SNIP1: variants seen among roughly 807,000 people sequenced by gnomAD.
The protein encoded by SNIP1 is smad nuclear-interacting protein 1.
SNIP1 carries 23 observed loss-of-function variants against 37.4 expected under a neutral mutation model. The observed-to-expected ratio is 0.61, with a 90% CI of 0.44 to 0.87. SNIP1 has a LOEUF of 0.87. SNIP1 is among the 40% of genes least tolerant of loss of function. The probability of loss-of-function intolerance (pLI) is 0.00; values close to 1 mark genes in which losing one functional copy is unlikely to be tolerated. For synonymous variants in SNIP1, 174 were observed against 200.0 expected (o/e 0.87, Z 1.10); for missense variants, 459 against 540.4 (o/e 0.85, Z 1.49).
chr1:37,547,817 C>T (rs1400953109), intron 2 of SNIP1, among the ~76,000 whole-genome samples: 1 of 151,740 alleles, frequency 6.6e-6, no homozygotes, highest in Non-Finnish European at 1.5e-5. Context: ...TTGGTATCCT[C>T]AGGAGATTGG....
intron 1 of SNIP1, among the ~76,000 whole-genome samples, chr1:37,553,644 T>C (rs1265993311): frequency 6.6e-6 from 1 of 152,090 alleles, no homozygotes; most frequent in Non-Finnish European, 1.5e-5. Flanking sequence ...TGTGAAAACC[T>C]TTCTGGCAGG....
rs1335233406 is a variant in SNIP1 at position 37,537,159 on chromosome 1, A to G, written c.*589T>C. On this transcript the variant is annotated 3_prime_UTR_variant, in exon 4 of 4. Coordinates refer to ENST00000296215, the MANE Select transcript of SNIP1 (RefSeq NM_024700.4). The stretch of plus-strand genomic sequence containing the variant: ...CATAAAGCATCTGTTTAAGTTAAAC[A>G]GTCAATAATGTTTACTGACTGCAGT... The G allele has an allele frequency of 1.3e-5, 2 of 152,792 alleles. No homozygotes were observed. The highest frequency in any genetic ancestry group is 3.9e-4 in the East Asian group (2 of 5,192). 9.5% of individuals were successfully genotyped at this position (152,792 alleles called of 1,614,324 possible). A position where few individuals can be genotyped will look rare whatever the true frequency, so the allele number is the denominator to read the frequency against.
chr1:37,544,075 T>C (rs1355392395), intron 2 of SNIP1, among the ~76,000 whole-genome samples: 17 of 141,968 alleles, frequency 1.2e-4, no homozygotes, highest in Non-Finnish European at 2.1e-4. Flanking sequence ...AACCCAGAAG[T>C]GGAGGTTGCA....
intron 2 of SNIP1, among the ~76,000 whole-genome samples, chr1:37,546,147 C>T (rs1343139444): frequency 8.9e-5 from 1 of 11,176 alleles, no homozygotes; most frequent in African/African-American, 4.0e-4. Context: ...GGACTAAGAC[C>T]CCCCCCCCCC....
intron 1 of SNIP1, among the ~76,000 whole-genome samples, chr1:37,553,788 G>A (rs2148118692): frequency 6.6e-6 from 1 of 152,268 alleles, no homozygotes; most frequent in African/African-American, 2.4e-5. Context: ...TGAAGGAGTG[G>A]GATCCTGCCG....
chr1:37,539,703 C>T (rs1162991995), intron 3 of SNIP1, among the ~76,000 whole-genome samples: 4 of 152,106 alleles, frequency 2.6e-5, no homozygotes, highest in African/African-American at 4.8e-5. Context: ...AACGAGACTC[C>T]GTCTCAAAAA....
At chr1:37,550,578 G>A (rs950139721) in intron 2 of SNIP1, among the ~76,000 whole-genome samples, 4 of 151,816 alleles carry the variant, frequency 2.6e-5, no homozygotes, top group Admixed American at 2.6e-4. Flanking sequence ...ATGGTGGCAC[G>A]AGCCTGTAAT....
intron 2 of SNIP1, among the ~76,000 whole-genome samples, chr1:37,551,182 A>G (rs1643297814): frequency 6.6e-6 from 1 of 151,458 alleles, no homozygotes; most frequent in Non-Finnish European, 1.5e-5. Flanking sequence ...AGGCAGGAGA[A>G]TCGTTTGAAC....
intron 2 of SNIP1, among the ~76,000 whole-genome samples, chr1:37,545,470 CAAA>C (rs74801000): frequency 3.6e-4 from 31 of 87,250 alleles, no homozygotes; most frequent in African/African-American, 1.0e-3. Context: ...CCGCCCCCAC[CAAA>C]AAAAAAAAAA....
At position 37,537,689 on chromosome 1, in the gene SNIP1, A is replaced by G; in HGVS notation, c.*59T>C. 1.9e-6 allele frequency: 3 copies of G among 1,565,050 alleles called. No individual in the cohort carries two copies. Among genetic ancestry groups the G allele is most frequent in the Non-Finnish European group, 1.7e-6 (2 of 1,152,844 alleles). On this transcript the variant is annotated 3_prime_UTR_variant, in exon 4 of 4. Coordinates refer to ENST00000296215, the MANE Select transcript of SNIP1 (RefSeq NM_024700.4). ...GGACCCACCACCATAGTGCTCTCTG[A>G]GTCAATCAAAGACTTCCAAGAAGGA...
Position 37,540,617 on chromosome 1 carries a change from T to G in SNIP1, c.466A>C (p.Arg156=). The change falls in exon 3 of 4, where the codon AGG becomes CGG. Residue 156 remains arginine (R), a synonymous_variant. Coordinates refer to ENST00000296215, the MANE Select transcript of SNIP1 (RefSeq NM_024700.4). This position sits in a 1 kb window ranked among gnomAD's most constrained non-coding sequence, Gnocchi z 5.6. ...CCCTGACCCTGCCCACTCCCAGGCC[T>G]CTCGTTAGACGTTCTCCTTTGGTGG... ...HSHQRRTSNE[R]PGSGQGQGRD... 6.2e-7 allele frequency: 1 copy of G among 1,614,118 alleles called. No homozygotes were observed. The highest frequency in any genetic ancestry group is 8.5e-7 in the Non-Finnish European group (1 of 1,180,018).
At chr1:37,539,537 C>T (rs995067732) in intron 3 of SNIP1, among the ~76,000 whole-genome samples, 2 of 152,152 alleles carry the variant, frequency 1.3e-5, no homozygotes, top group Admixed American at 6.6e-5. Context: ...CAATGAAACC[C>T]CGTCTCTACT....
At chr1:37,539,445 C>A (rs1643142892) in intron 3 of SNIP1, among the ~76,000 whole-genome samples, 1 of 152,228 alleles carries the variant, frequency 6.6e-6, no homozygotes, top group Non-Finnish European at 1.5e-5. Context: ...GCCGCAGTGG[C>A]TCACACCTGT....
chr1:37,546,342 C>A (rs1643238355), intron 2 of SNIP1, among the ~76,000 whole-genome samples: 1 of 152,152 alleles, frequency 6.6e-6, no homozygotes, highest in Middle Eastern at 3.2e-3. Flanking sequence ...CAGGACTAAT[C>A]TCATCATGTC....
In SNIP1 at chr1:37,554,108, G is replaced by C; in HGVS notation, c.122C>G (p.Pro41Arg). Reference protein sequence around the residue: ...QERLSPEVAPPAHRRPDHSGG... With the variant: ...QERLSPEVAPRAHRRPDHSGG... ...GGAGTGGTCCGGACGGCGGTGGGCG[G>C]GAGGTGCGACTTCTGGGCTGAGACG... The change falls in exon 1 of 4, where the codon CCC (proline) becomes CGC (arginine). Residue 41 changes from proline to arginine, a missense_variant. Transcript: ENST00000296215. The C allele has an allele frequency of 1.2e-6, 2 of 1,612,310 alleles. No individual in the cohort carries two copies. Among genetic ancestry groups the C allele is most frequent in the Non-Finnish European group, 1.7e-6 (2 of 1,179,402 alleles).
In SNIP1 at chr1:37,537,322, G is replaced by A. The variant is rs149096307; in HGVS notation, c.*426C>T. On this transcript the variant is annotated 3_prime_UTR_variant, in exon 4 of 4. Coordinates refer to ENST00000296215, the MANE Select transcript of SNIP1 (RefSeq NM_024700.4). ...AGTAAGATTCTCTGCTCAGGGGTTC[G>A]CCCCAAAAGAAAAACACCTGGTCCA... 2.7e-3 allele frequency: 435 copies of A among 158,582 alleles called. 2 individuals are homozygous for A. The highest frequency in any genetic ancestry group is 7.7e-3 in the South Asian group (40 of 5,184). The allele number at this position is 158,582 out of a possible 1,614,324, so 9.8% of individuals were successfully genotyped here. A position where few individuals can be genotyped will look rare whatever the true frequency, so the allele number is the denominator to read the frequency against.
chr1:37,548,352 G>A (rs1242309034), intron 2 of SNIP1, among the ~76,000 whole-genome samples: 1 of 150,382 alleles, frequency 6.6e-6, no homozygotes, highest in East Asian at 2.0e-4. Flanking sequence ...GTCTTGCTCT[G>A]TCACCCAGGC....
At chr1:37,550,379 A>G (rs1353632436) in intron 2 of SNIP1, among the ~76,000 whole-genome samples, 1 of 152,208 alleles carries the variant, frequency 6.6e-6, no homozygotes, top group Non-Finnish European at 1.5e-5. Flanking sequence ...TAAACACTAA[A>G]CAGTAAAAAA....
At chr1:37,553,696 T>G (rs549013233) in intron 1 of SNIP1, among the ~76,000 whole-genome samples, 5 of 152,132 alleles carry the variant, frequency 3.3e-5, no homozygotes, top group Admixed American at 1.3e-4. Context: ...GTGGGAGGGA[T>G]GGGGAAAATC....
Sources: gnomAD v4.1 joint callset for allele counts (sites outside exome capture counted in the v4.1 genomes callset) on GRCh38, gnomAD v4.1.1 for gene constraint, Gnocchi (gnomAD v3.1) non-coding constraint, MANE v1.5 for transcripts, NCBI Gene and HGNC (gene_info 2026-07-23, HGNC 2026-07-21) for gene names.